Variants in TCF7L1 observed in about 807,000 individuals in gnomAD.
TCF7L1 encodes transcription factor 7 like 1, also known as transcription factor 7-like 1.
TCF7L1 carries 18 observed loss-of-function variants against 63.7 expected under a neutral mutation model. The ratio of observed to expected loss-of-function variants is 0.28; its 90% CI spans 0.20 to 0.42. The LOEUF (loss-of-function observed/expected upper bound fraction) is 0.42. TCF7L1 is among the 10% of genes least tolerant of loss of function. TCF7L1 has a pLI of 1.00. For missense variants in TCF7L1, 654 were observed against 779.3 expected (o/e 0.84, Z 1.91); for synonymous variants, 355 against 340.9 (o/e 1.04, Z -0.46).
intron 3 of TCF7L1, among the ~76,000 whole-genome samples, chr2:85,220,219 C>A (rs891434776): frequency 6.6e-6 from 1 of 151,734 alleles, no homozygotes; most frequent in Non-Finnish European, 1.5e-5. Context: ...AATGACAGAT[C>A]GGATACTTGA....
intron 3 of TCF7L1, among the ~76,000 whole-genome samples, chr2:85,170,684 C>T (rs1361576813): frequency 6.6e-6 from 1 of 152,108 alleles, no homozygotes; most frequent in African/African-American, 2.4e-5. Flanking sequence ...ATCTTAGTAC[C>T]CGGACATCCC....
At chr2:85,241,431 GTTTTTGTTTTTTTT>G (rs1408082816) in intron 3 of TCF7L1, among the ~76,000 whole-genome samples, 9 of 68,780 alleles carry the variant, frequency 1.3e-4, no homozygotes, top group African/African-American at 1.6e-4. Flanking sequence ...GATGCACTTT[GTTTTTGTTTTTTTT>G]TTTTTTTTTT....
chr2:85,151,427 T>C (rs1678011981), intron 3 of TCF7L1, among the ~76,000 whole-genome samples: 1 of 152,184 alleles, frequency 6.6e-6, no homozygotes, highest in Non-Finnish European at 1.5e-5. Context: ...TTTTTTAACT[T>C]ATTTTTGCAA....
At chr2:85,236,455 A>G (rs1680194635) in intron 3 of TCF7L1, among the ~76,000 whole-genome samples, 1 of 152,028 alleles carries the variant, frequency 6.6e-6, no homozygotes, top group African/African-American at 2.4e-5. Flanking sequence ...CTTTCCTTCT[A>G]TGTTTGCAGC....
intron 4 of TCF7L1, among the ~76,000 whole-genome samples, chr2:85,295,482 T>G (rs1463625052): frequency 6.6e-6 from 1 of 152,168 alleles, no homozygotes; most frequent in Non-Finnish European, 1.5e-5. Context: ...ATTACAGGCA[T>G]GAGCCACCGT....
intron 3 of TCF7L1, among the ~76,000 whole-genome samples, chr2:85,260,285 G>A (rs1357319455): frequency 6.6e-6 from 1 of 152,126 alleles, no homozygotes; most frequent in Non-Finnish European, 1.5e-5. Context: ...ACGTTGGCAG[G>A]GGACTGGAAT....
chr2:85,292,698 T>A (rs993946398), intron 4 of TCF7L1, among the ~76,000 whole-genome samples: 1 of 152,194 alleles, frequency 6.6e-6, no homozygotes, highest in South Asian at 2.1e-4. Flanking sequence ...CACCTCAGCC[T>A]CCCAAGTAGC....
chr2:85,294,025 G>GTTTTTTTTTTTTTT (rs1558658876), intron 4 of TCF7L1, among the ~76,000 whole-genome samples: 1 of 70,562 alleles, frequency 1.4e-5, no homozygotes, highest in African/African-American at 7.5e-5. Flanking sequence ...TGAACACTGG[G>GTTTTTTTTTTTTTT]ATTTTTTTTT....
At chr2:85,287,572 A>G (rs1193206688) in intron 4 of TCF7L1, among the ~76,000 whole-genome samples, 3 of 152,230 alleles carry the variant, frequency 2.0e-5, no homozygotes, top group East Asian at 3.8e-4. Context: ...CCGTTGCCAC[A>G]CATGGCATTA....
intron 3 of TCF7L1, among the ~76,000 whole-genome samples, chr2:85,154,452 A>C (rs1678094893): frequency 6.6e-6 from 1 of 152,156 alleles, no homozygotes. Context: ...CATGCCAGTG[A>C]ATCTCACAGA....
chr2:85,213,065 C>G (rs1474470943), intron 3 of TCF7L1, among the ~76,000 whole-genome samples: 1 of 149,020 alleles, frequency 6.7e-6, no homozygotes, highest in Non-Finnish European at 1.5e-5. Context: ...CAAGACTGGA[C>G]TGGTGACCCA....
At position 85,292,222 on chromosome 2, in the gene TCF7L1, G is replaced by T. The variant is rs1254809430; in HGVS notation, c.525+8644G>T. 1.1e-4 allele frequency among the ~76,000 whole-genome samples: 2 copies of T among 17,466 alleles called. 1 individual carries two copies. The highest frequency in any genetic ancestry group is 1.6e-4 in the Non-Finnish European group (2 of 12,792). The allele number at this position is 17,466 out of a possible 152,430, so 11.5% of individuals were successfully genotyped here. ...TTTTTAGTAGAGACGGGGTTTCACCGTTTTAGCCGGGATGGTCTCGATCTC... is the reference window on the plus strand; with the variant it reads ...TTTTTAGTAGAGACGGGGTTTCACCTTTTTAGCCGGGATGGTCTCGATCTC... On this transcript the variant is annotated intron_variant, in intron 4 of 11. Transcript: ENST00000282111.
chr2:85,206,159 C>T (rs565076684), intron 3 of TCF7L1, among the ~76,000 whole-genome samples: 3 of 152,366 alleles, frequency 2.0e-5, no homozygotes, highest in East Asian at 3.9e-4. Flanking sequence ...AATGAGCACA[C>T]GTGGCTCAAG....
At chr2:85,185,960 A>ATTTTTTTTTTTTTTTTTTTTTTTTTTTT (rs67142055) in intron 3 of TCF7L1, among the ~76,000 whole-genome samples, 2 of 94,646 alleles carry the variant, frequency 2.1e-5, no homozygotes, top group African/African-American at 4.5e-5. Context: ...AACACAGGGG[A>ATTTTTTTTTTTTTTTTTTTTTTTTTTTT]TTTTTTTTTT....
At chr2:85,154,409 G>A (rs890048036) in intron 3 of TCF7L1, among the ~76,000 whole-genome samples, 1 of 152,176 alleles carries the variant, frequency 6.6e-6, no homozygotes, top group Non-Finnish European at 1.5e-5. Flanking sequence ...AACGTGCTGG[G>A]CTTCATTTCT....
chr2:85,249,634 G>C (rs1680547136), intron 3 of TCF7L1, among the ~76,000 whole-genome samples: 1 of 152,180 alleles, frequency 6.6e-6, no homozygotes, highest in African/African-American at 2.4e-5. Context: ...CTGCACAACT[G>C]TCTCCCTTAA....
chr2:85,235,889 G>A (rs1402516370), intron 3 of TCF7L1, among the ~76,000 whole-genome samples: 1 of 152,142 alleles, frequency 6.6e-6, no homozygotes, highest in Non-Finnish European at 1.5e-5. Context: ...GCTGGGTACT[G>A]TGGCTCATGA....
intron 3 of TCF7L1, among the ~76,000 whole-genome samples, chr2:85,192,574 GT>G (rs1679058467): frequency 1.3e-5 from 2 of 152,032 alleles, no homozygotes; most frequent in South Asian, 4.2e-4. Flanking sequence ...TAGAGATGGG[GT>G]TTTCAGCATG....
At chr2:85,254,394 G>C (rs1295204522) in intron 3 of TCF7L1, among the ~76,000 whole-genome samples, 2 of 152,236 alleles carry the variant, frequency 1.3e-5, no homozygotes, top group East Asian at 3.8e-4. Flanking sequence ...GGGGCTCCCT[G>C]GACGAAGTCC....
Sources: allele counts gnomAD v4.1 joint callset (sites outside exome capture counted in the v4.1 genomes callset), GRCh38; gene constraint gnomAD v4.1.1; transcripts MANE v1.5; gene names NCBI Gene and HGNC (gene_info 2026-07-23, HGNC 2026-07-21).